C19orf38: variants seen among roughly 807,000 people sequenced by gnomAD.
The protein encoded by C19orf38 is chromosome 19 open reading frame 38.
C19orf38 carries 14 observed loss-of-function variants against 26.6 expected under a neutral mutation model. The ratio of observed to expected loss-of-function variants is 0.53; its 90% CI spans 0.35 to 0.82. The LOEUF is 0.82. Ranked by LOEUF, C19orf38 falls within the 40% of genes least tolerant of loss-of-function variation. The pLI is 0.01. For missense variants in C19orf38, 261 were observed against 299.5 expected (o/e 0.87, Z 0.95); for synonymous variants, 132 against 128.5 (o/e 1.03, Z -0.18).
rs1599676340 is a variant in C19orf38, at chr19:10,869,491, C to A, written c.*124C>A. 5 of 1,323,168 alleles carry A rather than the reference C, an allele frequency of 3.8e-6. No individual in the cohort carries two copies. Among genetic ancestry groups the A allele is most frequent in the East Asian group, 2.5e-5 (1 of 39,424 alleles). The allele number at this position is 1,323,168 out of a possible 1,614,324, so 82.0% of individuals were successfully genotyped here. A position where few individuals can be genotyped will look rare whatever the true frequency, so the allele number is the denominator to read the frequency against. On this transcript the variant is annotated 3_prime_UTR_variant, in exon 7 of 7. Coordinates refer to ENST00000397820, the MANE Select transcript of C19orf38 (RefSeq NM_001136482.3). Reference sequence around the variant, plus strand: ...ATTGGACAGAGGAAAGGAAGGGGAACCCTGGCCTTGGGATTTTCATCACAG... The same window carrying A: ...ATTGGACAGAGGAAAGGAAGGGGAAACCTGGCCTTGGGATTTTCATCACAG...
intron 5 of C19orf38, among the ~76,000 whole-genome samples, chr19:10,861,479 T>G (rs1195126915): frequency 6.6e-6 from 1 of 152,228 alleles, no homozygotes. Flanking sequence ...CCAAGACAGA[T>G]GTGCTGTCTG....
At chr19:10,862,328 C>T (rs2073707124) in intron 5 of C19orf38, among the ~76,000 whole-genome samples, 1 of 151,862 alleles carries the variant, frequency 6.6e-6, no homozygotes, top group African/African-American at 2.4e-5. Context: ...TCTCAGCCTC[C>T]TGAGTAGCTG....
intron 1 of C19orf38, among the ~76,000 whole-genome samples, chr19:10,842,507 G>A (rs1374403981): frequency 6.6e-6 from 1 of 152,068 alleles, no homozygotes; most frequent in East Asian, 1.9e-4. Flanking sequence ...TGATCCGTCG[G>A]CCTTGGCCTC....
At chr19:10,859,378 ATATATATT>A (rs1256622703) in intron 4 of C19orf38, among the ~76,000 whole-genome samples, 77 of 35,718 alleles carry the variant, frequency 2.2e-3, no homozygotes, top group East Asian at 0.017. Context: ...ATATATATAT[ATATATATT>A]TTTTTTTTTT....
chr19:10,858,425 C>A (rs1383770055), intron 4 of C19orf38, 82 bp downstream of exon 4: 1 of 1,308,508 alleles, frequency 7.6e-7, no homozygotes, highest in Non-Finnish European at 1.1e-6. Context: ...CTCCATGCCC[C>A]CCACAAACAG....
chr19:10,862,855 T>C (rs1236923463), intron 5 of C19orf38, among the ~76,000 whole-genome samples: 3 of 151,290 alleles, frequency 2.0e-5, no homozygotes, highest in Non-Finnish European at 4.4e-5. Context: ...AAATGGGTGA[T>C]GGAGCAATTG....
At position 10,863,189 on chromosome 19, in the gene C19orf38, CCT is replaced by C. The variant is rs762005771; in HGVS notation, c.526_527del (p.Leu176ValfsTer18). ...DSTDMSFDNS[L>X]FTVSAKTMPE... is the part of the protein sequence containing the mutation. ...TTTCAGACATGTCCTTCGATAACTC[CCT>C]GTTTACCGTCTCCGCGGTGAGTGGT... is the stretch of plus-strand genomic sequence containing the variant. On this transcript the variant is annotated frameshift_variant, in exon 6 of 7. Transcript: ENST00000397820. LOFTEE classifies it low-confidence loss of function (END_TRUNC). The C allele has an allele frequency of 3.9e-6, 6 of 1,551,390 alleles. No homozygotes were observed. In the African/African-American group the frequency reaches 5.5e-5, roughly 14 times the overall value.
intron 1 of C19orf38, among the ~76,000 whole-genome samples, chr19:10,838,305 G>T (rs2073452501): frequency 6.6e-6 from 1 of 152,174 alleles, no homozygotes; most frequent in South Asian, 2.1e-4. Context: ...AGCTACTCTG[G>T]AGGCTGAGGC....
intron 4 of C19orf38, among the ~76,000 whole-genome samples, chr19:10,859,380 ATATATTTT>A (rs1381016899): frequency 2.9e-4 from 10 of 34,354 alleles, no homozygotes; most frequent in East Asian, 1.4e-3. Context: ...ATATATATAT[ATATATTTT>A]TTTTTTTTTT....
At position 10,863,280 on chromosome 19, in the gene C19orf38, G is replaced by A. The variant is rs565204000; in HGVS notation, c.543+73G>A. 1,273 of 1,471,190 alleles carry A rather than the reference G, an allele frequency of 8.7e-4. 15 individuals are homozygous for A. Among genetic ancestry groups the A allele is most frequent in the Admixed American group, 8.7e-4 (44 of 50,564 alleles). The allele number at this position is 1,471,190 out of a possible 1,614,324, so 91.1% of individuals were successfully genotyped here. A position where few individuals can be genotyped will look rare whatever the true frequency, so the allele number is the denominator to read the frequency against. On this transcript the variant is annotated intron_variant, in intron 6 of 6. Coordinates refer to ENST00000397820, the MANE Select transcript of C19orf38 (RefSeq NM_001136482.3). Reference sequence around the variant, plus strand: ...CGGGAGAACGGGGCGGGCTCAAGGGGCACCACGAGGCTAAGTTGACCTGCT... The same window carrying A: ...CGGGAGAACGGGGCGGGCTCAAGGGACACCACGAGGCTAAGTTGACCTGCT...
chr19:10,862,646 A>G (rs1265606906), intron 5 of C19orf38, among the ~76,000 whole-genome samples: 2 of 152,080 alleles, frequency 1.3e-5, no homozygotes, highest in East Asian at 1.9e-4. Context: ...CCTGGCCAAC[A>G]TGGTGAATCC....
At chr19:10,850,656 A>C in intron 2 of C19orf38, 89 bp downstream of exon 2, 3 of 1,376,194 alleles carry the variant, frequency 2.2e-6, no homozygotes, top group Non-Finnish European at 3.0e-6. Flanking sequence ...AGGCCTTCCC[A>C]GAAAAAGCCA....
intron 2 of C19orf38, among the ~76,000 whole-genome samples, chr19:10,852,462 C>T (rs1217924778): frequency 6.6e-6 from 1 of 152,168 alleles, no homozygotes; most frequent in Non-Finnish European, 1.5e-5. Context: ...TAGAGTAGGG[C>T]GACTGGCCCC....
intron 2 of C19orf38, among the ~76,000 whole-genome samples, chr19:10,853,903 T>G (rs1453997990): frequency 6.7e-6 from 1 of 149,618 alleles, no homozygotes; most frequent in Non-Finnish European, 1.5e-5. Context: ...GCTAATGTTT[T>G]TTTTTTTTTT....
At chr19:10,853,899 GTTT>G (rs545079431) in intron 2 of C19orf38, among the ~76,000 whole-genome samples, 4 of 116,882 alleles carry the variant, frequency 3.4e-5, no homozygotes, top group Non-Finnish European at 3.7e-5. Context: ...TCCGGCTAAT[GTTT>G]TTTTTTTTTT....
intron 1 of C19orf38, among the ~76,000 whole-genome samples, chr19:10,838,927 T>C (rs1272626947): frequency 2.0e-5 from 3 of 151,872 alleles, no homozygotes; most frequent in Non-Finnish European, 4.4e-5. Flanking sequence ...TTTCTTTTTT[T>C]TTTTTGAGAC....
At chr19:10,861,439 G>T (rs1430295596) in intron 5 of C19orf38, among the ~76,000 whole-genome samples, 3 of 152,212 alleles carry the variant, frequency 2.0e-5, no homozygotes, top group Non-Finnish European at 4.4e-5. Flanking sequence ...CACTTACTAT[G>T]TGCTAAGATC....
At chr19:10,841,042 C>G (rs2073474125) in intron 1 of C19orf38, among the ~76,000 whole-genome samples, 1 of 151,740 alleles carries the variant, frequency 6.6e-6, no homozygotes, top group African/African-American at 2.4e-5. Flanking sequence ...ATCTGCTTCT[C>G]GGTGGTGTGT....
intron 6 of C19orf38, among the ~76,000 whole-genome samples, chr19:10,864,294 C>G (rs557043520): frequency 6.6e-6 from 1 of 152,158 alleles, no homozygotes; most frequent in African/African-American, 2.4e-5. Context: ...CTCCTGACCT[C>G]AGGTGATCCA....
Sources: gnomAD v4.1 joint callset for allele counts (sites outside exome capture counted in the v4.1 genomes callset) on GRCh38, gnomAD v4.1.1 for gene constraint, MANE v1.5 for transcripts, NCBI Gene and HGNC (gene_info 2026-07-23, HGNC 2026-07-21) for gene names.